Variants in MKLN1 observed in about 807,000 individuals in gnomAD.
The protein encoded by MKLN1 is muskelin 1.
MKLN1 carries 18 observed loss-of-function variants against 99.0 expected under a neutral mutation model. The observed-to-expected ratio is 0.18, with a 90% CI of 0.13 to 0.27. The LOEUF (loss-of-function observed/expected upper bound fraction) is 0.27, where lower values mean the gene tolerates loss of function less well. Among genes scored for constraint, MKLN1 ranks in the 10% least tolerant of loss-of-function variants. The pLI is 1.00. For missense variants in MKLN1, 621 were observed against 875.9 expected, an observed-to-expected ratio of 0.71 and a Z score of 3.67; for synonymous variants, 288 against 293.2, an observed-to-expected ratio of 0.98 and a Z score of 0.18.
At chr7:131,354,639 A>AT (rs1329772715) in intron 1 of MKLN1, among the ~76,000 whole-genome samples, 2 of 151,292 alleles carry the variant, frequency 1.3e-5, no homozygotes, top group Non-Finnish European at 2.9e-5. Context: ...GTCAAGTTTT[A>AT]TTTTTTTCTG....
intron 2 of MKLN1, among the ~76,000 whole-genome samples, chr7:131,146,010 C>T (rs537335678): frequency 3.3e-5 from 5 of 152,292 alleles, no homozygotes; most frequent in Admixed American, 6.5e-5. Flanking sequence ...CACCATAATA[C>T]GTGATTAATG....
chr7:131,451,129 A>G (rs1376349751), intron 12 of MKLN1, among the ~76,000 whole-genome samples: 4 of 152,238 alleles, frequency 2.6e-5, no homozygotes, highest in African/African-American at 9.6e-5. Context: ...AGTGAAAAGT[A>G]CTTTTAAGAA....
intron 3 of MKLN1, among the ~76,000 whole-genome samples, chr7:131,226,337 C>A (rs1797147707): frequency 6.6e-6 from 1 of 152,222 alleles, no homozygotes; most frequent in Non-Finnish European, 1.5e-5. Flanking sequence ...ACTTCTAGTG[C>A]TTTTGAGTTC....
chr7:131,226,803 G>T (rs1252505408), intron 3 of MKLN1, among the ~76,000 whole-genome samples: 2 of 151,888 alleles, frequency 1.3e-5, no homozygotes, highest in South Asian at 2.1e-4. Flanking sequence ...GTTTGTTGGG[G>T]TTTTTTTTGT....
At chr7:131,221,965 G>T (rs1797067021) in intron 3 of MKLN1, among the ~76,000 whole-genome samples, 1 of 152,022 alleles carries the variant, frequency 6.6e-6, no homozygotes, top group Non-Finnish European at 1.5e-5. Context: ...GATTGTGGTG[G>T]TGTGATCTCG....
intron 3 of MKLN1, among the ~76,000 whole-genome samples, chr7:131,320,074 A>G (rs1798746024): frequency 6.6e-6 from 1 of 152,206 alleles, no homozygotes; most frequent in Admixed American, 6.5e-5. Flanking sequence ...ATTATAAAAA[A>G]CTACTTTAAA....
intron 3 of MKLN1, among the ~76,000 whole-genome samples, chr7:131,233,026 T>G (rs1797265536): frequency 6.6e-6 from 1 of 151,882 alleles, no homozygotes. Context: ...ACAAAGAAAG[T>G]GGCGTAAGTG....
At position 131,336,364 on chromosome 7, in the gene MKLN1, AC is replaced by A. The variant is rs202112881; in HGVS notation, c.98+8368del. Among the ~76,000 whole-genome samples the A allele has an allele frequency of 3.1e-3, 471 of 152,102 alleles. 1 individual carries two copies. The highest frequency in any genetic ancestry group is 0.011 in the African/African-American group (449 of 41,530). On this transcript the variant is annotated intron_variant, in intron 1 of 17. Coordinates refer to ENST00000352689, the MANE Select transcript of MKLN1 (RefSeq NM_013255.5). ...GGGGTCTGTTTCTTGTTAAGAATAAACAGATTTTTGTTTGCCTGTTTTTAAT... is the reference window on the plus strand; with the variant it reads ...GGGGTCTGTTTCTTGTTAAGAATAAAAGATTTTTGTTTGCCTGTTTTTAAT...
At chr7:131,172,550 C>T (rs927683799) in intron 2 of MKLN1, among the ~76,000 whole-genome samples, 2 of 152,010 alleles carry the variant, frequency 1.3e-5, no homozygotes, top group Admixed American at 6.6e-5. Flanking sequence ...CTCCTGACCT[C>T]GTGATCCACC....
chr7:131,111,837 G>A (rs138601388), intron 1 of MKLN1, among the ~76,000 whole-genome samples: 65 of 152,190 alleles, frequency 4.3e-4, no homozygotes, highest in Non-Finnish European at 7.9e-4. Context: ...GACTAAACAA[G>A]GCATAAAATT....
At chr7:131,459,626 A>G (rs554448477) in intron 12 of MKLN1, among the ~76,000 whole-genome samples, 4 of 152,166 alleles carry the variant, frequency 2.6e-5, no homozygotes, top group African/African-American at 7.2e-5. Flanking sequence ...TCCTCTGTAT[A>G]TAATAATCTG....
At chr7:131,203,040 GTATAC>G (rs1373899554) in intron 3 of MKLN1, 1 of 152,164 alleles carries the variant, frequency 6.6e-6, no homozygotes, top group Non-Finnish European at 1.5e-5. Flanking sequence ...CATCTATGTC[GTATAC>G]TGTGCCCACG....
chr7:131,440,602 A>G (rs1270832256), intron 10 of MKLN1, among the ~76,000 whole-genome samples: 1 of 152,204 alleles, frequency 6.6e-6, no homozygotes, highest in Non-Finnish European at 1.5e-5. Context: ...AGAAATGAAG[A>G]CTTATCTACA....
rs1796061171 is a variant in MKLN1, at chr7:131,162,005, CAG to C, written c.-297+19067_-297+19068del. ...TATATATATATATATATATATGTAA[CAG>C]AGTGATATACAAATATATATATATA... is the stretch of plus-strand genomic sequence containing the variant. On this transcript the variant is annotated intron_variant, in intron 2 of 7. Coordinates refer to the MKLN1 transcript ENST00000416992. Among the ~76,000 whole-genome samples the C allele has an allele frequency of 5.0e-5, 5 of 100,412 alleles. No individual in the cohort carries two copies. The South Asian group carries it at 1.0e-3, about 21-fold the overall frequency. The allele number at this position is 100,412 out of a possible 152,430, so 65.9% of individuals were successfully genotyped here. A position where few individuals can be genotyped will look rare whatever the true frequency, so the allele number is the denominator to read the frequency against.
At position 131,466,432 on chromosome 7, in the gene MKLN1, C is replaced by T. The variant is rs774630172; in HGVS notation, c.1928+17C>T. Reference sequence around the variant, plus strand: ...AAAACACAGGTATGAAAATAATTCACTGAAAACATTTAATTAACATTATCA... The same window carrying T: ...AAAACACAGGTATGAAAATAATTCATTGAAAACATTTAATTAACATTATCA... On this transcript the variant is annotated intron_variant, in intron 15 of 17. Coordinates refer to ENST00000352689, the MANE Select transcript of MKLN1 (RefSeq NM_013255.5). 2.0e-6 allele frequency: 3 copies of T among 1,512,076 alleles called. No homozygotes were observed. Among genetic ancestry groups the T allele is most frequent in the Admixed American group, 3.8e-5 (2 of 53,162 alleles). The allele number at this position is 1,512,076 out of a possible 1,614,324, so 93.7% of individuals were successfully genotyped here. A position where few individuals can be genotyped will look rare whatever the true frequency, so the allele number is the denominator to read the frequency against.
At chr7:131,411,613 A>G (rs1207461186) in intron 7 of MKLN1, among the ~76,000 whole-genome samples, 1 of 151,970 alleles carries the variant, frequency 6.6e-6, no homozygotes, top group Non-Finnish European at 1.5e-5. Context: ...CTCTACAAAA[A>G]ATTAGCTATA....
At position 131,391,487 on chromosome 7, in the gene MKLN1, G is replaced by A. The variant is rs532774411; in HGVS notation, c.400+2515G>A. On this transcript the variant is annotated intron_variant, in intron 4 of 17. Transcript: ENST00000352689. ...ATAATTTTCATTTATAATGAATGTA[G>A]CTTATTAAGCAAATTGAAGTAAGTT... is the stretch of plus-strand genomic sequence containing the variant. 1.5e-3 allele frequency among the ~76,000 whole-genome samples: 222 copies of A among 152,272 alleles called. 1 individual carries two copies. Among genetic ancestry groups the A allele is most frequent in the Non-Finnish European group, 2.7e-3 (181 of 68,004 alleles).
intron 12 of MKLN1, among the ~76,000 whole-genome samples, chr7:131,455,250 C>CT (rs367699878): frequency 0.018 from 2,757 of 151,524 alleles, 67 homozygotes; most frequent in African/African-American, 0.062. Context: ...TATTTGTTAA[C>CT]TTTTTTTTTA....
intron 12 of MKLN1, among the ~76,000 whole-genome samples, chr7:131,450,217 G>C (rs2116543826): frequency 6.6e-6 from 1 of 152,260 alleles, no homozygotes; most frequent in Admixed American, 6.5e-5. Context: ...GCTATTCTGT[G>C]TTACCAGTAA....
Sources: gnomAD v4.1 joint callset for allele counts (sites outside exome capture counted in the v4.1 genomes callset) on GRCh38, gnomAD v4.1.1 for gene constraint, MANE v1.5 for transcripts, NCBI Gene and HGNC (gene_info 2026-07-23, HGNC 2026-07-21) for gene names.